The following VTA1 variants were observed in gnomAD, a reference collection of about 807,000 sequenced individuals.
VTA1 encodes the protein vacuolar protein sorting-associated protein VTA1 homolog.
In VTA1, 24 loss-of-function variants were observed where a neutral mutation model predicts 36.9. The ratio of observed to expected loss-of-function variants is 0.65; its 90% CI spans 0.47 to 0.91. VTA1 has a LOEUF of 0.91. VTA1 is among the 40% of genes least tolerant of loss of function. The probability of loss-of-function intolerance (pLI) is 0.00; values close to 1 mark genes in which losing one functional copy is unlikely to be tolerated. For missense variants in VTA1, 393 were observed against 377.2 expected (o/e 1.04, Z -0.35); for synonymous variants, 142 against 130.2 (o/e 1.09, Z -0.62).
intron 5 of VTA1, among the ~76,000 whole-genome samples, chr6:142,196,659 A>G (rs1264001936): frequency 6.6e-6 from 1 of 151,624 alleles, no homozygotes; most frequent in Non-Finnish European, 1.5e-5. Flanking sequence ...GAACAAATTT[A>G]TTGTAGCTGC....
At chr6:142,207,506 C>T (rs1481846276) in intron 7 of VTA1, among the ~76,000 whole-genome samples, 2 of 152,122 alleles carry the variant, frequency 1.3e-5, no homozygotes, top group African/African-American at 4.8e-5. Flanking sequence ...AAACCCCTAC[C>T]TAGCCTGCCT....
intron 5 of VTA1, among the ~76,000 whole-genome samples, chr6:142,197,398 G>T (rs1430862143): frequency 6.6e-6 from 1 of 152,318 alleles, no homozygotes; most frequent in African/African-American, 2.4e-5. Context: ...TGATGAGTCT[G>T]TAGCTCTAGC....
chr6:142,166,348 T>A, intron 2 of VTA1, 26 bp downstream of exon 2: 2 of 1,500,186 alleles, frequency 1.3e-6, no homozygotes, highest in Non-Finnish European at 1.8e-6. Flanking sequence ...ATCATTTATT[T>A]TCTGGTTATG....
At position 142,218,549 on chromosome 6, in the gene VTA1, A is replaced by C. The variant is rs558696178; in HGVS notation, c.830A>C (p.Lys277Thr). The change falls in exon 8 of 8, where the codon AAA becomes ACA. Residue 277 changes from lysine (K) to threonine (T), a missense_variant. Coordinates refer to ENST00000367630, the MANE Select transcript of VTA1 (RefSeq NM_016485.5). ...EDFARAQKYC[K>T]YAGSALQYED... ...TTTGCTAGAGCTCAGAAGTACTGCA[A>C]ATATGCTGGCAGTGCTTTGCAGTAT... 1 of 1,613,754 alleles carries C rather than the reference A, an allele frequency of 6.2e-7. No individual in the cohort carries two copies. The highest frequency in any genetic ancestry group is 1.1e-5 in the South Asian group (1 of 91,008).
chr6:142,220,039 A>T lies in VTA1; in HGVS notation c.*1396A>T, dbSNP rs1210582938. On this transcript the variant is annotated 3_prime_UTR_variant, in exon 8 of 8. Coordinates refer to ENST00000367630, the MANE Select transcript of VTA1 (RefSeq NM_016485.5). ...AAATCACTAACTCATAATCATTTAT[A>T]TCCATTATTTTCTGCATAAATGTAA... The T allele has an allele frequency of 6.6e-6, 1 of 152,206 alleles. No individual in the cohort carries two copies. Among genetic ancestry groups the T allele is most frequent in the African/African-American group, 2.4e-5 (1 of 41,446 alleles). The allele number at this position is 152,206 out of a possible 1,614,324, so 9.4% of individuals were successfully genotyped here.
In VTA1 at chr6:142,169,658, C is replaced by A; in HGVS notation, c.316C>A (p.Arg106Ser). The A allele has an allele frequency of 3.1e-6, 5 of 1,592,094 alleles. No individual in the cohort carries two copies. The highest frequency in any genetic ancestry group is 4.3e-6 in the Non-Finnish European group (5 of 1,173,624). Reference protein sequence around the residue: ...KMFLYADNEDRAGRFHKNMIK... With the variant: ...KMFLYADNEDSAGRFHKNMIK... ...GTTTTTGTATGCAGACAATGAAGAT[C>A]GTGCTGGACGATTTCACAAGTAAGT... The change falls in exon 3 of 8, where the codon CGT becomes AGT. Residue 106 changes from arginine to serine, a missense_variant. Transcript: ENST00000367630.
chr6:142,188,069 G>A (rs1037455999), intron 4 of VTA1, among the ~76,000 whole-genome samples: 3 of 150,142 alleles, frequency 2.0e-5, no homozygotes, highest in Admixed American at 6.6e-5. Flanking sequence ...CACCATGCCC[G>A]GCTAATTTTT....
intron 7 of VTA1, among the ~76,000 whole-genome samples, chr6:142,216,645 A>G (rs1776009201): frequency 1.3e-5 from 2 of 152,108 alleles, no homozygotes; most frequent in South Asian, 4.1e-4. Context: ...ATTATTTCAC[A>G]AAAAAATACA....
At chr6:142,148,020 T>G (rs1024703831) in intron 1 of VTA1, among the ~76,000 whole-genome samples, 7 of 152,224 alleles carry the variant, frequency 4.6e-5, no homozygotes, top group Admixed American at 4.6e-4. Flanking sequence ...CTTTGAGTGT[T>G]ATACGTTGAA....
At position 142,224,191 on chromosome 6, in the gene VTA1, A is replaced by T. The variant is rs927922726; in HGVS notation, c.*5548A>T. 3.3e-5 allele frequency: 5 copies of T among 152,260 alleles called. No individual in the cohort carries two copies. The East Asian group carries it at 7.7e-4, about 23-fold the overall frequency. 9.4% of individuals were successfully genotyped at this position (152,260 alleles called of 1,614,324 possible). The stretch of plus-strand genomic sequence containing the variant: ...CGGAGCTGGCTCATTCTGCACGTGT[A>T]CAGAGAAGAGGCCATGTGAGGACAC... On this transcript the variant is annotated 3_prime_UTR_variant, in exon 8 of 8. Transcript: ENST00000367630.
At chr6:142,215,592 G>C (rs1025327077) in intron 7 of VTA1, among the ~76,000 whole-genome samples, 1 of 152,146 alleles carries the variant, frequency 6.6e-6, no homozygotes, top group African/African-American at 2.4e-5. Context: ...ATGTATGAAG[G>C]TTCAGTCTGT....
chr6:142,147,415 T>G lies in VTA1; in HGVS notation c.112+16T>G. ...GCTTATTACTGTGAGTCTTTCCGAG[T>G]GGCCGCGCCCTTTCTTTCCCAGTTG... is the stretch of plus-strand genomic sequence containing the variant. On this transcript the variant is annotated intron_variant, in intron 1 of 7. Transcript: ENST00000367630. 6.2e-7 allele frequency: 1 copy of G among 1,611,012 alleles called. No individual in the cohort carries two copies. Among genetic ancestry groups the G allele is most frequent in the Non-Finnish European group, 8.5e-7 (1 of 1,178,372 alleles).
intron 4 of VTA1, among the ~76,000 whole-genome samples, chr6:142,177,745 T>G (rs2114653050): frequency 6.6e-6 from 1 of 152,328 alleles, no homozygotes; most frequent in Admixed American, 6.5e-5. Flanking sequence ...AGTTTTAGCC[T>G]GTAACCTGAG....
chr6:142,183,777 G>A (rs78038564), intron 4 of VTA1, among the ~76,000 whole-genome samples: 1,666 of 152,200 alleles, frequency 0.011, 27 homozygotes, highest in Non-Finnish European at 0.015. Context: ...TACAACTGCC[G>A]GAAATTTCTG....
chr6:142,214,737 C>T (rs1199262964), intron 7 of VTA1, among the ~76,000 whole-genome samples: 1 of 152,176 alleles, frequency 6.6e-6, no homozygotes, highest in Non-Finnish European at 1.5e-5. Flanking sequence ...AAATATACCA[C>T]TCAAGTTGGG....
rs780294414 is a variant in VTA1 at position 142,147,269 on chromosome 6, T to A, written c.-19T>A. 1.2e-6 allele frequency: 2 copies of A among 1,613,644 alleles called. No homozygotes were observed. The highest frequency in any genetic ancestry group is 2.2e-5 in the East Asian group (1 of 44,866). ...GTGCCGGTGGAGCGCGAGTAGGAAG[T>A]GGTGAGTTCGGAGTAGAGATGGCCG... On this transcript the variant is annotated 5_prime_UTR_variant, in exon 1 of 8. Coordinates refer to ENST00000367630, the MANE Select transcript of VTA1 (RefSeq NM_016485.5).
intron 4 of VTA1, among the ~76,000 whole-genome samples, chr6:142,171,038 C>A (rs1208787531): frequency 6.6e-6 from 1 of 152,088 alleles, no homozygotes. Context: ...TAACATATTA[C>A]TAATCCTGTA....
intron 1 of VTA1, among the ~76,000 whole-genome samples, chr6:142,152,534 CAATA>C (rs1454950929): frequency 6.6e-6 from 1 of 151,788 alleles, no homozygotes; most frequent in Non-Finnish European, 1.5e-5. Flanking sequence ...CTCATTATGG[CAATA>C]AATAATATTA....
chr6:142,212,048 ACT>A (rs901323767), intron 7 of VTA1, among the ~76,000 whole-genome samples: 26 of 152,022 alleles, frequency 1.7e-4, no homozygotes, highest in Admixed American at 1.3e-3. Flanking sequence ...AACCACAGAA[ACT>A]CTCATTCATT....
Sources: allele counts gnomAD v4.1 joint callset (sites outside exome capture counted in the v4.1 genomes callset), GRCh38; gene constraint gnomAD v4.1.1; transcripts MANE v1.5; gene names NCBI Gene and HGNC (gene_info 2026-07-23, HGNC 2026-07-21).